Variants in TRPS1 observed in about 807,000 individuals in gnomAD.
TRPS1 encodes transcriptional repressor GATA binding 1.
Under a neutral mutation model 101.2 loss-of-function variants are expected in TRPS1, and 6 were observed. The ratio of observed to expected loss-of-function variants is 0.06; its 90% CI spans 0.03 to 0.12. The LOEUF (loss-of-function observed/expected upper bound fraction) is 0.12. TRPS1 is among the 10% of genes least tolerant of loss of function. The probability of loss-of-function intolerance (pLI) is 1.00; values close to 1 mark genes in which losing one functional copy is unlikely to be tolerated. For missense variants in TRPS1, 1,363 were observed against 1,567.0 expected, an observed-to-expected ratio of 0.87 and a Z score of 2.20; for synonymous variants, 578 against 589.8, an observed-to-expected ratio of 0.98 and a Z score of 0.29.
chr8:115,515,200 T>C, intron 5 of TRPS1: 1 of 694,380 alleles, frequency 1.4e-6, no homozygotes, highest in Non-Finnish European at 2.6e-6. Context: ...TAAATATTAA[T>C]AAGATCTTCA....
intron 5 of TRPS1, among the ~76,000 whole-genome samples, chr8:115,453,115 G>T (rs759913902): frequency 4.6e-5 from 7 of 151,792 alleles, no homozygotes; most frequent in Admixed American, 1.3e-4. Flanking sequence ...TCCGCCTCCT[G>T]GGTTCAAGCA....
chr8:115,425,746 C>T (rs769918711), intron 5 of TRPS1, among the ~76,000 whole-genome samples: 1 of 152,180 alleles, frequency 6.6e-6, no homozygotes, highest in African/African-American at 2.4e-5. Context: ...AGAAATTTAT[C>T]ACACAGATAT....
intron 5 of TRPS1, among the ~76,000 whole-genome samples, chr8:115,430,381 A>G (rs1813289525): frequency 6.6e-6 from 1 of 152,062 alleles, no homozygotes; most frequent in South Asian, 2.1e-4. Context: ...TATAGTGGGC[A>G]TTTAATTAGT....
intron 1 of TRPS1, among the ~76,000 whole-genome samples, chr8:115,653,417 C>T (rs1811607769): frequency 6.6e-6 from 1 of 151,996 alleles, no homozygotes; most frequent in East Asian, 1.9e-4. Context: ...ATAGTATGCT[C>T]ACCACACCAA....
rs1024478805 is a variant in TRPS1 at position 115,596,689 on chromosome 8, T to C, written c.2096+7184A>G. Among the ~76,000 whole-genome samples, 11 of 151,968 alleles carry C rather than the reference T, an allele frequency of 7.2e-5. No homozygotes were observed. The South Asian group carries it at 1.7e-3, about 23-fold the overall frequency. ...ATATACTTATATGTATGCATACATA[T>C]ATACATATATCTATGTGCATATATC... On this transcript the variant is annotated intron_variant, in intron 4 of 6. Transcript: ENST00000395715.
intron 5 of TRPS1, among the ~76,000 whole-genome samples, chr8:115,572,763 T>C (rs1402992281): frequency 6.6e-6 from 1 of 152,184 alleles, no homozygotes; most frequent in Non-Finnish European, 1.5e-5. Flanking sequence ...CTTACAAACT[T>C]GGTAAGTACA....
At chr8:115,666,522 C>T (rs557104725) in intron 1 of TRPS1, among the ~76,000 whole-genome samples, 2 of 152,272 alleles carry the variant, frequency 1.3e-5, no homozygotes, top group Admixed American at 1.3e-4. Context: ...TAAAACTTCA[C>T]AACAGTGAGT....
At chr8:115,490,837 A>T (rs931097823) in intron 5 of TRPS1, among the ~76,000 whole-genome samples, 1 of 152,350 alleles carries the variant, frequency 6.6e-6, no homozygotes, top group African/African-American at 2.4e-5. Context: ...TAAATTTGAA[A>T]GCGATCACTC....
At chr8:115,459,744 T>C (rs1448226553) in intron 5 of TRPS1, among the ~76,000 whole-genome samples, 1 of 152,208 alleles carries the variant, frequency 6.6e-6, no homozygotes, top group East Asian at 1.9e-4. Flanking sequence ...TACATTACTC[T>C]GATTGTTTCC....
chr8:115,479,813 A>G (rs975893842), intron 5 of TRPS1, among the ~76,000 whole-genome samples: 2 of 152,186 alleles, frequency 1.3e-5, no homozygotes, highest in Admixed American at 6.5e-5. Context: ...GATCAATGAC[A>G]ACATGACGTA....
intron 3 of TRPS1, among the ~76,000 whole-genome samples, chr8:115,606,847 T>C (rs1818050011): frequency 6.6e-6 from 1 of 150,378 alleles, no homozygotes; most frequent in South Asian, 2.1e-4. Flanking sequence ...TATATTTAAA[T>C]GGATAGCCAT....
chr8:115,498,799 T>G (rs1437663302), intron 5 of TRPS1, among the ~76,000 whole-genome samples: 2 of 152,070 alleles, frequency 1.3e-5, no homozygotes, highest in East Asian at 3.9e-4. Flanking sequence ...CTTTTGTCAT[T>G]AAAAGAAAAC....
intron 5 of TRPS1, among the ~76,000 whole-genome samples, chr8:115,468,190 A>T (rs1814374630): frequency 6.6e-6 from 1 of 152,182 alleles, no homozygotes; most frequent in African/African-American, 2.4e-5. Flanking sequence ...TGAATTTTCA[A>T]TTATCTTCAA....
chr8:115,413,841 C>T lies in TRPS1; in HGVS notation c.*182G>A, dbSNP rs1812845689. 2 of 627,568 alleles carry T rather than the reference C, an allele frequency of 3.2e-6. No homozygotes were observed. The highest frequency in any genetic ancestry group is 3.7e-5 in the African/African-American group (2 of 53,974). The allele number at this position is 627,568 out of a possible 1,614,324, so 38.9% of individuals were successfully genotyped here. A position where few individuals can be genotyped will look rare whatever the true frequency, so the allele number is the denominator to read the frequency against. Reference sequence around the variant, plus strand: ...CCATTCTTTCTCATTGACCATTTATCTCACTTTTTAATCTTGGTAACCTAC... The same window carrying T: ...CCATTCTTTCTCATTGACCATTTATTTCACTTTTTAATCTTGGTAACCTAC... On this transcript the variant is annotated 3_prime_UTR_variant, in exon 7 of 7. Coordinates refer to ENST00000395715, the MANE Select transcript of TRPS1 (RefSeq NM_014112.5).
At chr8:115,471,526 C>A (rs564081373) in intron 5 of TRPS1, among the ~76,000 whole-genome samples, 1 of 152,210 alleles carries the variant, frequency 6.6e-6, no homozygotes, top group South Asian at 2.1e-4. Context: ...TATAGCCATA[C>A]CATATCATTC....
chr8:115,581,856 AT>A (rs1817459772), intron 5 of TRPS1, among the ~76,000 whole-genome samples: 2 of 152,182 alleles, frequency 1.3e-5, no homozygotes, highest in Non-Finnish European at 2.9e-5. Context: ...TAAATCATAT[AT>A]TTTTCAAATA....
intron 5 of TRPS1, among the ~76,000 whole-genome samples, chr8:115,586,685 G>C (rs1220183800): frequency 1.3e-5 from 2 of 152,066 alleles, no homozygotes; most frequent in Non-Finnish European, 2.9e-5. Context: ...CATCCTTCTG[G>C]GATTCTAAAC....
At chr8:115,420,095 T>C (rs898176519) in intron 5 of TRPS1, among the ~76,000 whole-genome samples, 4 of 152,208 alleles carry the variant, frequency 2.6e-5, no homozygotes, top group African/African-American at 9.7e-5. Flanking sequence ...TGTGCTACTT[T>C]AGGTGATGTA....
intron 1 of TRPS1, among the ~76,000 whole-genome samples, chr8:115,642,123 A>G (rs1287461445): frequency 6.6e-6 from 1 of 152,038 alleles, no homozygotes. Flanking sequence ...CTGAGGCTGG[A>G]AGAGCCCTTG....
Sources: gnomAD v4.1 joint callset for allele counts (sites outside exome capture counted in the v4.1 genomes callset) on GRCh38, gnomAD v4.1.1 for gene constraint, MANE v1.5 for transcripts, NCBI Gene and HGNC (gene_info 2026-07-23, HGNC 2026-07-21) for gene names.